Variants in OGG1 observed in about 807,000 individuals in gnomAD.
OGG1 encodes N-glycosylase/DNA lyase.
Under a neutral mutation model 42.3 loss-of-function variants are expected in OGG1, and 35 were observed. The ratio of observed to expected loss-of-function variants is 0.83; its 90% CI spans 0.63 to 1.10. The LOEUF (loss-of-function observed/expected upper bound fraction) is 1.10. OGG1 is among the 50% of genes least tolerant of loss of function. OGG1 has a pLI of 0.00. For synonymous variants in OGG1, 189 were observed against 179.0 expected (o/e 1.06, Z -0.44); for missense variants, 484 against 446.7 (o/e 1.08, Z -0.75).
At chr3:9,787,311 C>T (rs1482265322) in intron 3 of OGG1, 2 of 1,613,736 alleles carry the variant, frequency 1.2e-6, no homozygotes, top group Non-Finnish European at 1.7e-6. Flanking sequence ...GGGCCCAGCG[C>T]TGGGAGTAGT....
rs1575198480 is a variant in OGG1, at chr3:9,754,881, C to T, written c.743C>T (p.Thr248Ile). The T allele has an allele frequency of 6.3e-7, 1 of 1,591,610 alleles. No homozygotes were observed. Among genetic ancestry groups the T allele is most frequent in the East Asian group, 2.3e-5 (1 of 44,022 alleles). The change falls in exon 4 of 7, where the codon ACC becomes ATC. Residue 248 changes from threonine to isoleucine, a missense_variant. Transcript: ENST00000344629. ...CTCTGCATCCTGCCTGGAGTGGGCA[C>T]CAAGGTGAGGCCCCAGGGGGTAGGA... ...KALCILPGVG[T>I]KVADCICLMA...
At position 9,754,800 on chromosome 3, in the gene OGG1, G is replaced by A; in HGVS notation, c.662G>A (p.Gly221Glu). Reference protein sequence around the residue: ...SARAILEEQGGLAWLQQLRES... With the variant: ...SARAILEEQGELAWLQQLRES... ...CGAGCCATCCTGGAAGAACAGGGCG[G>A]GCTAGCCTGGCTGCAGCAGCTACGA... The change falls in exon 4 of 7, where the codon GGG (glycine) becomes GAG (glutamate). Residue 221 changes from glycine to glutamate, a missense_variant. Physicochemically the swap from Gly to Glu is moderately conservative, Grantham distance 98. Transcript: ENST00000344629. The A allele has an allele frequency of 6.2e-7, 1 of 1,613,514 alleles. No individual in the cohort carries two copies.
intron 2 of OGG1, among the ~76,000 whole-genome samples, chr3:9,777,513 T>A (rs189330652): frequency 1.3e-5 from 2 of 152,194 alleles, no homozygotes; most frequent in African/African-American, 4.8e-5. Flanking sequence ...CAGGCTGGAA[T>A]ATTACTCTCC....
downstream of OGG1, chr3:9,759,118 A>G (rs1277845473): frequency 2.3e-6 from 3 of 1,282,904 alleles, no homozygotes; most frequent in Admixed American, 1.7e-5. Flanking sequence ...CAGGCTTAGC[A>G]CTTGCACTTC....
At chr3:9,762,901 C>T (rs1425689538) in intron 7 of OGG1, 1 of 1,613,904 alleles carries the variant, frequency 6.2e-7, no homozygotes, top group South Asian at 1.1e-5. Flanking sequence ...CACCACACCC[C>T]CTTGAGCCCC....
At chr3:9,750,716 G>T (rs1372220410) in intron 1 of OGG1, 9 of 691,136 alleles carry the variant, frequency 1.3e-5, no homozygotes, top group Non-Finnish European at 2.2e-5. Context: ...TTCCAGCCTC[G>T]ACCCCCCGGG....
chr3:9,767,575 G>A, downstream of OGG1: 2 of 1,535,500 alleles, frequency 1.3e-6, no homozygotes, highest in Non-Finnish European at 1.8e-6. Context: ...CCTGGGCTGT[G>A]GGAAACAGGA....
chr3:9,784,336 A>G (rs1467975446), intron 3 of OGG1: 2 of 1,281,102 alleles, frequency 1.6e-6, no homozygotes, highest in Non-Finnish European at 2.1e-6. Flanking sequence ...CCCCCTCTGT[A>G]TCTATCCAGA....
downstream of OGG1, among the ~76,000 whole-genome samples, chr3:9,769,480 T>A (rs1233249835): frequency 2.0e-5 from 3 of 151,788 alleles, no homozygotes; most frequent in Non-Finnish European, 4.4e-5. Context: ...ACACACAGAT[T>A]CCCAGATCCT....
downstream of OGG1, chr3:9,790,026 T>C (rs2078698008): frequency 1.3e-6 from 2 of 1,509,872 alleles, no homozygotes; most frequent in African/African-American, 1.4e-5. Flanking sequence ...CTCTTTCCTC[T>C]AGTGAATAAA....
chr3:9,763,177 G>T (rs886659552), intron 7 of OGG1: 1 of 1,614,062 alleles, frequency 6.2e-7, no homozygotes, highest in Non-Finnish European at 8.5e-7. Flanking sequence ...CACTCTCATA[G>T]ATGTCATCCA....
At chr3:9,759,655 G>GT, downstream of OGG1, 1 of 1,614,184 alleles carries the variant, frequency 6.2e-7, no homozygotes, top group South Asian at 1.1e-5. Context: ...CAGCTCACAG[G>GT]TTGTGTGAAT....
chr3:9,781,438 G>C (rs552909477), intron 2 of OGG1: 1 of 441,450 alleles, frequency 2.3e-6, no homozygotes, highest in African/African-American at 2.0e-5. Flanking sequence ...ATGATCCCAG[G>C]ATCCCACAGT....
At position 9,750,313 on chromosome 3, in the gene OGG1, G is replaced by A; in HGVS notation, c.27G>A (p.Arg9=). 6.2e-7 allele frequency: 1 copy of A among 1,613,324 alleles called. No individual in the cohort carries two copies. Among genetic ancestry groups the A allele is most frequent in the East Asian group, 2.2e-5 (1 of 44,872 alleles). MPARALLP[R]RMGHRTLAST... is the part of the protein sequence containing the mutation. Reference sequence around the variant, plus strand: ...TGCCTGCCCGCGCGCTTCTGCCCAGGCGCATGGGGCATCGTACTCTAGCCT... The same window carrying A: ...TGCCTGCCCGCGCGCTTCTGCCCAGACGCATGGGGCATCGTACTCTAGCCT... Residue 9 remains arginine (R), a synonymous_variant, in exon 1 of 7, where the codon AGG becomes AGA. Coordinates refer to ENST00000344629, the MANE Select transcript of OGG1 (RefSeq NM_002542.6).
At position 9,751,092 on chromosome 3, in the gene OGG1, C is replaced by T. The variant is rs771314743; in HGVS notation, c.285C>T (p.Ala95=). 8.7e-6 allele frequency: 14 copies of T among 1,613,968 alleles called. No individual in the cohort carries two copies. The Admixed American group carries it at 1.2e-4, about 13-fold the overall frequency. ...ASRPTPDELE[A]VRKYFQLDVT... Reference sequence around the variant, plus strand: ...GGCCCACACCAGACGAGCTGGAGGCCGTGCGCAAGTACTTCCAGCTAGATG... The same window carrying T: ...GGCCCACACCAGACGAGCTGGAGGCTGTGCGCAAGTACTTCCAGCTAGATG... Residue 95 remains alanine (A), a synonymous_variant, in exon 2 of 7, where the codon GCC becomes GCT. Coordinates refer to ENST00000344629, the MANE Select transcript of OGG1 (RefSeq NM_002542.6).
downstream of OGG1, chr3:9,759,321 G>A (rs775733732): frequency 1.3e-6 from 2 of 1,579,556 alleles, no homozygotes; most frequent in African/African-American, 2.7e-5. Context: ...GAAGGTGTTG[G>A]GAGTGTTTGT....
intron 3 of OGG1, among the ~76,000 whole-genome samples, chr3:9,782,312 G>A (rs1388663506): frequency 6.6e-6 from 1 of 152,202 alleles, no homozygotes; most frequent in African/African-American, 2.4e-5. Context: ...TCAGCTTGCT[G>A]TTTATTGACT....
intron 4 of OGG1, 127 bp from the exon 5 acceptor site, chr3:9,756,344 T>C (rs2077558588): frequency 8.8e-6 from 8 of 908,188 alleles, no homozygotes; most frequent in Non-Finnish European, 1.4e-5. Context: ...TAGTATCTGT[T>C]GATTGAGAAT....
chr3:9,770,419 G>A (rs911012903), downstream of OGG1, among the ~76,000 whole-genome samples: 1 of 152,102 alleles, frequency 6.6e-6, no homozygotes, highest in African/African-American at 2.4e-5. Context: ...GAAGGACCGG[G>A]CAAGACTAGG....
Sources: allele counts gnomAD v4.1 joint callset (sites outside exome capture counted in the v4.1 genomes callset), GRCh38; gene constraint gnomAD v4.1.1; transcripts MANE v1.5; gene names NCBI Gene and HGNC (gene_info 2026-07-23, HGNC 2026-07-21).